The following LRIG2 variants were observed in gnomAD, a reference collection of about 807,000 sequenced individuals.
LRIG2 encodes leucine rich repeats and immunoglobulin like domains 2.
Under a neutral mutation model 107.8 loss-of-function variants are expected in LRIG2, and 93 were observed. That is an observed-to-expected ratio of 0.86 (90% CI 0.73 to 1.03). The LOEUF (loss-of-function observed/expected upper bound fraction) is 1.03, where lower values mean the gene tolerates loss of function less well. Ranked by LOEUF, LRIG2 falls within the 50% of genes least tolerant of loss-of-function variation. LRIG2 has a pLI of 0.00. For synonymous variants in LRIG2, 471 were observed against 470.6 expected (o/e 1.00, Z -0.01); for missense variants, 1,226 against 1,296.0 (o/e 0.95, Z 0.83).
chr1:113,099,594 A>G, intron 9 of LRIG2, among the ~76,000 whole-genome samples: 1 of 152,048 alleles, frequency 6.6e-6, no homozygotes. Context: ...TTTTTATTGA[A>G]AAAGCATTCC....
chr1:113,105,326 G>A (rs1654489517), intron 11 of LRIG2, among the ~76,000 whole-genome samples: 1 of 152,084 alleles, frequency 6.6e-6, no homozygotes, highest in Non-Finnish European at 1.5e-5. Context: ...CAAATGTGTG[G>A]ATAGATTATA....
At position 113,125,455 on chromosome 1, in the gene LRIG2, T is replaced by TCTCCCTCCCTCC. The variant is rs35747502; in HGVS notation, c.*1362_*1363insCTCCCTCCCTCC. 1.3e-5 allele frequency: 2 copies of TCTCCCTCCCTCC among 151,822 alleles called. No individual in the cohort carries two copies. The highest frequency in any genetic ancestry group is 4.9e-5 in the African/African-American group (2 of 41,208). The allele number at this position is 151,822 out of a possible 1,614,324, so 9.4% of individuals were successfully genotyped here. A position where few individuals can be genotyped will look rare whatever the true frequency, so the allele number is the denominator to read the frequency against. The stretch of plus-strand genomic sequence containing the variant: ...GGAAATTCCTTTCATTTCCTCCCCC[T>TCTCCCTCCCTCC]CTCCCTCCTTCCCTCTTTTTTTTTA... On this transcript the variant is annotated 3_prime_UTR_variant, in exon 18 of 18. Transcript: ENST00000361127.
intron 1 of LRIG2, among the ~76,000 whole-genome samples, chr1:113,078,837 T>C (rs1653115391): frequency 6.6e-6 from 1 of 150,968 alleles, no homozygotes; most frequent in Non-Finnish European, 1.5e-5. Flanking sequence ...ATGGGGTTTC[T>C]TCATGTTGGT....
chr1:113,116,527 A>G, intron 16 of LRIG2, 91 bp downstream of exon 16: 1 of 1,256,648 alleles, frequency 8.0e-7, no homozygotes. Flanking sequence ...CTGAAGCAAT[A>G]TTTTAAAGTA....
Position 113,124,364 on chromosome 1 carries a change from T to A in LRIG2, c.*263T>A. 1 of 510,062 alleles carries A rather than the reference T, an allele frequency of 2.0e-6. No individual in the cohort carries two copies. The highest frequency in any genetic ancestry group is 3.6e-6 in the Non-Finnish European group (1 of 280,896). The allele number at this position is 510,062 out of a possible 1,614,324, so 31.6% of individuals were successfully genotyped here. ...ACGGGGCAAATGTGCTTCCTGATGC[T>A]TCCATGGGGATGTGCCCTGGTGTGC... On this transcript the variant is annotated 3_prime_UTR_variant, in exon 18 of 18. Coordinates refer to ENST00000361127, the MANE Select transcript of LRIG2 (RefSeq NM_014813.3).
intron 14 of LRIG2, among the ~76,000 whole-genome samples, chr1:113,113,755 G>T (rs996734732): frequency 9.2e-5 from 14 of 151,946 alleles, no homozygotes; most frequent in African/African-American, 3.1e-4. Flanking sequence ...TAGAGACGGG[G>T]TTTCACCATG....
chr1:113,086,938 A>G (rs369818121), intron 1 of LRIG2, among the ~76,000 whole-genome samples: 3 of 152,194 alleles, frequency 2.0e-5, no homozygotes, highest in African/African-American at 7.2e-5. Context: ...TTTATTAAGC[A>G]TTAGGTTTAC....
chr1:113,073,418 G>C lies in LRIG2; in HGVS notation c.12G>C (p.Ala4=), dbSNP rs1168971991. MAP[A]PLGVPEEQLL... Reference sequence around the variant, plus strand: ...GGTCGAGGGGGAAAATGGCGCCGGCGCCCCTAGGCGTCCCGGAGGAGCAGT... The same window carrying C: ...GGTCGAGGGGGAAAATGGCGCCGGCCCCCCTAGGCGTCCCGGAGGAGCAGT... Residue 4 remains alanine (A), a synonymous_variant, in exon 1 of 18, where the codon GCG becomes GCC. Coordinates refer to ENST00000361127, the MANE Select transcript of LRIG2 (RefSeq NM_014813.3). 1 of 1,613,432 alleles carries C rather than the reference G, an allele frequency of 6.2e-7. No homozygotes were observed. Among genetic ancestry groups the C allele is most frequent in the African/African-American group, 1.3e-5 (1 of 74,920 alleles).
At position 113,100,429 on chromosome 1, in the gene LRIG2, C is replaced by G; in HGVS notation, c.1254C>G (p.Asn418Lys). The G allele has an allele frequency of 6.5e-7, 1 of 1,529,512 alleles. No homozygotes were observed. Among genetic ancestry groups the G allele is most frequent in the Non-Finnish European group, 9.0e-7 (1 of 1,107,926 alleles). 94.7% of individuals were successfully genotyped at this position (1,529,512 alleles called of 1,614,324 possible). The change falls in exon 11 of 18, where the codon AAC (asparagine) becomes AAG (lysine). Residue 418 changes from asparagine to lysine, a missense_variant. Asn to Lys is a moderately conservative substitution (Grantham distance 94, BLOSUM62 0). Transcript: ENST00000361127. The stretch of plus-strand genomic sequence containing the variant: ...TTTCTCTTTATTTCAGAGATTTGAA[C>G]AATAATGCTATAATGTCTATCCAAG... ...GLESLEHLDLNNNAIMSIQEN... is the reference protein window; with the variant it reads ...GLESLEHLDLKNNAIMSIQEN...
Position 113,124,696 on chromosome 1 carries a change from T to G in LRIG2, c.*595T>G, listed in dbSNP as rs967972392. The G allele has an allele frequency of 6.5e-6, 1 of 152,902 alleles. No homozygotes were observed. The highest frequency in any genetic ancestry group is 1.5e-5 in the Non-Finnish European group (1 of 68,488). The allele number at this position is 152,902 out of a possible 1,614,324, so 9.5% of individuals were successfully genotyped here. Reference sequence around the variant, plus strand: ...TGTCCCTATTGCCCAGGGATGTCATTGTAAATATATGTGCATTTATAAATA... The same window carrying G: ...TGTCCCTATTGCCCAGGGATGTCATGGTAAATATATGTGCATTTATAAATA... On this transcript the variant is annotated 3_prime_UTR_variant, in exon 18 of 18. Transcript: ENST00000361127.
chr1:113,090,801 G>A (rs1049525448), intron 1 of LRIG2, among the ~76,000 whole-genome samples: 4 of 151,410 alleles, frequency 2.6e-5, no homozygotes, highest in African/African-American at 9.7e-5. Context: ...TTGCGCCACT[G>A]TACTCCAGCC....
Position 113,073,363 on chromosome 1 carries a change from C to T in LRIG2, c.-44C>T, listed in dbSNP as rs1451941285. On this transcript the variant is annotated 5_prime_UTR_variant, in exon 1 of 18. Transcript: ENST00000361127. ...GAGCTTCTCCGCCGATCCTCCTTTT[C>T]TAGCAGGCAGCTCTTCTAGGCCACG... The T allele has an allele frequency of 6.6e-7, 1 of 1,511,510 alleles. No homozygotes were observed. The highest frequency in any genetic ancestry group is 1.7e-5 in the Admixed American group (1 of 57,746). 93.6% of individuals were successfully genotyped at this position (1,511,510 alleles called of 1,614,324 possible).
In LRIG2 at chr1:113,125,053, C is replaced by G. The variant is rs1272162623; in HGVS notation, c.*952C>G. The G allele has an allele frequency of 6.6e-6, 1 of 152,094 alleles. No homozygotes were observed. Among genetic ancestry groups the G allele is most frequent in the Non-Finnish European group, 1.5e-5 (1 of 68,038 alleles). 9.4% of individuals were successfully genotyped at this position (152,094 alleles called of 1,614,324 possible). A position where few individuals can be genotyped will look rare whatever the true frequency, so the allele number is the denominator to read the frequency against. On this transcript the variant is annotated 3_prime_UTR_variant, in exon 18 of 18. Transcript: ENST00000361127. ...TTGTGGCATGCTGCTGTAGTCCTAG[C>G]TACTTGGGAGGCTGAGGTGGGAGGG...
chr1:113,128,000 C>T lies in LRIG2; in HGVS notation c.*3899C>T, dbSNP rs953616460. 5 of 152,152 alleles carry T rather than the reference C, an allele frequency of 3.3e-5. No individual in the cohort carries two copies. The highest frequency in any genetic ancestry group is 1.2e-4 in the African/African-American group (5 of 41,426). 9.4% of individuals were successfully genotyped at this position (152,152 alleles called of 1,614,324 possible). A position where few individuals can be genotyped will look rare whatever the true frequency, so the allele number is the denominator to read the frequency against. ...TGTGCTTTCAGATTTCCTTACACTTCCTGTCCAGTTCTCTCTTCTAAATCC... is the reference window on the plus strand; with the variant it reads ...TGTGCTTTCAGATTTCCTTACACTTTCTGTCCAGTTCTCTCTTCTAAATCC... On this transcript the variant is annotated 3_prime_UTR_variant, in exon 18 of 18. Coordinates refer to ENST00000361127, the MANE Select transcript of LRIG2 (RefSeq NM_014813.3).
intron 1 of LRIG2, among the ~76,000 whole-genome samples, chr1:113,082,732 C>T (rs1438311623): frequency 6.6e-6 from 1 of 152,186 alleles, no homozygotes; most frequent in Admixed American, 6.5e-5. Context: ...CAGCTCACTG[C>T]AACCTCCACC....
chr1:113,112,740 A>G lies in LRIG2; in HGVS notation c.2060A>G (p.Asn687Ser). Reference protein sequence around the residue: ...AQNTAGGLSANASLTVLETPS... With the variant: ...AQNTAGGLSASASLTVLETPS... ...AATACAGCAGGAGGTCTCTCAGCAA[A>G]TGCTTCCCTAACAGTGTTAGGTACG... The change falls in exon 14 of 18, where the codon AAT becomes AGT. Residue 687 changes from asparagine to serine, a missense_variant. Transcript: ENST00000361127. The G allele has an allele frequency of 6.2e-7, 1 of 1,605,784 alleles. No individual in the cohort carries two copies. Among genetic ancestry groups the G allele is most frequent in the East Asian group, 2.2e-5 (1 of 44,608 alleles).
At chr1:113,123,083 T>C (rs1383006612) in intron 17 of LRIG2, among the ~76,000 whole-genome samples, 1 of 152,202 alleles carries the variant, frequency 6.6e-6, no homozygotes, top group Non-Finnish European at 1.5e-5. Context: ...TCCTTTTGAC[T>C]ATCATTTGTT....
intron 1 of LRIG2, among the ~76,000 whole-genome samples, chr1:113,080,532 A>C (rs1298032243): frequency 6.6e-6 from 1 of 151,668 alleles, no homozygotes; most frequent in Non-Finnish European, 1.5e-5. Flanking sequence ...GGCACCTACC[A>C]CCACGCCCGG....
chr1:113,100,289 A>G lies in LRIG2; in HGVS notation c.1244+7A>G, dbSNP rs375707594. On this transcript the variant is annotated splice_region_variant and intron_variant, in intron 10 of 17. Transcript: ENST00000361127. ...TTGAATCCCTTGAGCATCTGTAAGTATTTTGCATACATTTTGCTTACTCTA... is the reference window on the plus strand; with the variant it reads ...TTGAATCCCTTGAGCATCTGTAAGTGTTTTGCATACATTTTGCTTACTCTA... 12 of 1,580,786 alleles carry G rather than the reference A, an allele frequency of 7.6e-6. No homozygotes were observed. The African/African-American group carries it at 1.3e-4, about 18-fold the overall frequency.
Sources: gnomAD v4.1 joint callset for allele counts (sites outside exome capture counted in the v4.1 genomes callset) on GRCh38, gnomAD v4.1.1 for gene constraint, MANE v1.5 for transcripts, NCBI Gene and HGNC (gene_info 2026-07-23, HGNC 2026-07-21) for gene names.